Variants in GNAQ observed in about 807,000 individuals in gnomAD.
GNAQ encodes G protein subunit alpha q.
GNAQ carries 8 observed loss-of-function variants against 43.9 expected under a neutral mutation model. The ratio of observed to expected loss-of-function variants is 0.18; its 90% confidence interval spans 0.11 to 0.33. GNAQ has a LOEUF of 0.33. Ranked by LOEUF, GNAQ falls within the 10% of genes least tolerant of loss-of-function variation. The pLI, the probability that GNAQ is intolerant of heterozygous loss-of-function variation, is 1.00. For synonymous variants in GNAQ, 155 were observed against 170.7 expected (o/e 0.91, Z 0.71); for missense variants, 158 against 450.8 (o/e 0.35, Z 5.88).
chr9:77,767,435 G>A (rs1826154538), intron 5 of GNAQ, among the ~76,000 whole-genome samples: 1 of 152,114 alleles, frequency 6.6e-6, no homozygotes, highest in Non-Finnish European at 1.5e-5. Flanking sequence ...TACCATGTGG[G>A]TGGGCAGTCA....
At chr9:77,863,971 C>G (rs1438856304) in intron 2 of GNAQ, among the ~76,000 whole-genome samples, 1 of 152,134 alleles carries the variant, frequency 6.6e-6, no homozygotes, top group Non-Finnish European at 1.5e-5. Context: ...GGGACACAGC[C>G]AAACCACATC....
At chr9:77,995,033 G>C (rs537588116) in intron 1 of GNAQ, among the ~76,000 whole-genome samples, 1 of 152,254 alleles carries the variant, frequency 6.6e-6, no homozygotes, top group African/African-American at 2.4e-5. Flanking sequence ...TGATATATGG[G>C]CTATGTGTGC....
intron 3 of GNAQ, among the ~76,000 whole-genome samples, chr9:77,811,466 A>C (rs1478178437): frequency 6.6e-6 from 1 of 152,192 alleles, no homozygotes; most frequent in Admixed American, 6.5e-5. Context: ...TCAAACACAG[A>C]GAAAGGAATT....
At chr9:77,960,895 G>C (rs982464860) in intron 1 of GNAQ, among the ~76,000 whole-genome samples, 1 of 152,042 alleles carries the variant, frequency 6.6e-6, no homozygotes, top group Non-Finnish European at 1.5e-5. Flanking sequence ...AGCACAGGAG[G>C]CCTGGAAATC....
intron 5 of GNAQ, among the ~76,000 whole-genome samples, chr9:77,737,692 T>C (rs1462774807): frequency 6.6e-6 from 1 of 152,144 alleles, no homozygotes; most frequent in Non-Finnish European, 1.5e-5. Context: ...ACCAAACCAG[T>C]CATCAAAAGA....
intron 1 of GNAQ, among the ~76,000 whole-genome samples, chr9:77,930,567 A>G (rs931256386): frequency 1.3e-5 from 2 of 152,180 alleles, no homozygotes; most frequent in Admixed American, 1.3e-4. Flanking sequence ...AAAGGCTCAA[A>G]CATATATATT....
intron 5 of GNAQ, among the ~76,000 whole-genome samples, chr9:77,741,450 CTTGTCT>C (rs1825653100): frequency 6.6e-6 from 1 of 152,148 alleles, no homozygotes; most frequent in Admixed American, 6.6e-5. Flanking sequence ...TAATTTTGTC[CTTGTCT>C]TTTTTTCTTC....
chr9:77,854,930 CAAAT>C (rs757285145), intron 2 of GNAQ, among the ~76,000 whole-genome samples: 2 of 152,120 alleles, frequency 1.3e-5, no homozygotes, highest in Non-Finnish European at 2.9e-5. Flanking sequence ...TTTCAAAGAA[CAAAT>C]AACCAGTCTT....
intron 3 of GNAQ, among the ~76,000 whole-genome samples, chr9:77,814,184 G>T (rs1392386793): frequency 6.6e-6 from 1 of 152,124 alleles, no homozygotes; most frequent in African/African-American, 2.4e-5. Flanking sequence ...TTTAGAACAT[G>T]CAAGAGCTGA....
chr9:78,002,979 T>C (rs999070757), intron 1 of GNAQ, among the ~76,000 whole-genome samples: 1 of 151,996 alleles, frequency 6.6e-6, no homozygotes, highest in African/African-American at 2.4e-5. Context: ...ATATTAAAAA[T>C]CAAAAGAAAG....
Position 77,941,024 on chromosome 9 carries a change from G to GA in GNAQ, c.137-18680dup, listed in dbSNP as rs543095460. ...CTCCCAATAAAGAAAAGGGCAATTGGAAAAAAAAGTAACAACTAAAAAATA... is the reference window on the plus strand; with the variant it reads ...CTCCCAATAAAGAAAAGGGCAATTGGAAAAAAAAAGTAACAACTAAAAAATA... On this transcript the variant is annotated intron_variant, in intron 1 of 6. Transcript: ENST00000286548. Among the ~76,000 whole-genome samples the GA allele has an allele frequency of 2.3e-3, 355 of 151,554 alleles. 1 individual carries two copies. Among genetic ancestry groups the GA allele is most frequent in the African/African-American group, 8.3e-3 (342 of 41,350 alleles).
intron 5 of GNAQ, among the ~76,000 whole-genome samples, chr9:77,762,769 C>T (rs1201570799): frequency 1.3e-5 from 2 of 152,120 alleles, no homozygotes; most frequent in African/African-American, 2.4e-5. Context: ...ATTCTTCTGC[C>T]TTGGGATCCT....
At chr9:77,766,556 A>G (rs1254871139) in intron 5 of GNAQ, among the ~76,000 whole-genome samples, 2 of 152,322 alleles carry the variant, frequency 1.3e-5, no homozygotes, top group African/African-American at 4.8e-5. Flanking sequence ...AGTTTGATCC[A>G]GAAGAGAAAT....
At chr9:78,005,847 A>T (rs779133412) in intron 1 of GNAQ, among the ~76,000 whole-genome samples, 1 of 152,218 alleles carries the variant, frequency 6.6e-6, no homozygotes, top group Non-Finnish European at 1.5e-5. Context: ...ATATAGTTGT[A>T]TCATGGCTAC....
chr9:77,941,949 G>C (rs891915129), intron 1 of GNAQ, among the ~76,000 whole-genome samples: 23 of 130,930 alleles, frequency 1.8e-4, no homozygotes, highest in Non-Finnish European at 3.3e-4. Context: ...CACACACACA[G>C]AGTATTATAT....
At position 77,958,892 on chromosome 9, in the gene GNAQ, A is replaced by G. The variant is rs140462294; in HGVS notation, c.137-36547T>C. Among the ~76,000 whole-genome samples, 6 of 152,294 alleles carry G rather than the reference A, an allele frequency of 3.9e-5. No homozygotes were observed. In the East Asian group the frequency reaches 9.6e-4, roughly 24 times the overall value. On this transcript the variant is annotated intron_variant, in intron 1 of 6. Transcript: ENST00000286548. ...TTTGCAACCCTTGGCAAACTCCTCA[A>G]TTCTTTCATGATTTTCCCCTTTTCC... is the stretch of plus-strand genomic sequence containing the variant.
chr9:77,993,726 G>A (rs1317566348), intron 1 of GNAQ, among the ~76,000 whole-genome samples: 1 of 151,744 alleles, frequency 6.6e-6, no homozygotes, highest in African/African-American at 2.4e-5. Context: ...AAAAGGTGCA[G>A]CTAAATTATA....
intron 1 of GNAQ, among the ~76,000 whole-genome samples, chr9:77,959,808 T>C (rs930554062): frequency 1.3e-5 from 2 of 152,096 alleles, no homozygotes; most frequent in South Asian, 2.1e-4. Context: ...TGCCAATCAG[T>C]TTTTCTACAG....
intron 1 of GNAQ, among the ~76,000 whole-genome samples, chr9:77,948,991 G>T (rs1033533723): frequency 6.6e-6 from 1 of 152,110 alleles, no homozygotes; most frequent in Non-Finnish European, 1.5e-5. Flanking sequence ...GTGCCCCAGG[G>T]TCTCCCCAAG....
Sources: gnomAD v4.1 joint callset for allele counts (sites outside exome capture counted in the v4.1 genomes callset) on GRCh38, gnomAD v4.1.1 for gene constraint, MANE v1.5 for transcripts, NCBI Gene and HGNC (gene_info 2026-07-23, HGNC 2026-07-21) for gene names.